The following TBX15 variants were observed in gnomAD, a reference collection of about 807,000 sequenced individuals.
TBX15 encodes the protein T-box transcription factor 15, also known as T-box transcription factor TBX15.
TBX15 carries 18 observed loss-of-function variants against 53.9 expected under a neutral mutation model. The observed-to-expected ratio is 0.33, with a 90% confidence interval of 0.23 to 0.49. TBX15 has a LOEUF of 0.49. Among genes scored for constraint, TBX15 ranks in the 20% least tolerant of loss-of-function variants. The probability of loss-of-function intolerance (pLI) is 0.98; values close to 1 mark genes in which losing one functional copy is unlikely to be tolerated. For missense variants in TBX15, 692 were observed against 749.5 expected (o/e 0.92, Z 0.90); for synonymous variants, 295 against 278.0 (o/e 1.06, Z -0.61).
chr1:118,958,062 TAAAG>T (rs1656751917), intron 1 of TBX15, among the ~76,000 whole-genome samples: 1 of 152,234 alleles, frequency 6.6e-6, no homozygotes, highest in African/African-American at 2.4e-5. Context: ...TTTAATAAAA[TAAAG>T]ATAGTGCTAT....
At chr1:118,981,870 A>T (rs770624509) in intron 1 of TBX15, among the ~76,000 whole-genome samples, 7 of 152,250 alleles carry the variant, frequency 4.6e-5, no homozygotes, top group Non-Finnish European at 7.3e-5. Context: ...AGTCATGCAC[A>T]TATAAAATTC....
rs1265160466 is a variant in TBX15 at position 118,885,300 on chromosome 1, G to C, written c.1241C>G (p.Pro414Arg). The change falls in exon 8 of 8, where the codon CCA (proline) becomes CGA (arginine). Residue 414 changes from proline (P) to arginine (R), a missense_variant. By Grantham distance (103) the Pro-to-Arg change is moderately radical. This residue lies in a region of TBX15 where 375 missense variants were observed against 371.6 expected (regional missense o/e 1.01). Coordinates refer to ENST00000369429, the MANE Select transcript of TBX15 (RefSeq NM_001330677.2). ...RSNMAALQSY[P>R]GLSDSGYNRL... is the part of the protein sequence containing the mutation. ...GTTGTAGCCACTGTCACTCAGCCCT[G>C]GGTAGCTCTGCAAGGCAGCCATGTT... 3 of 1,614,094 alleles carry C rather than the reference G, an allele frequency of 1.9e-6. No individual in the cohort carries two copies. Among genetic ancestry groups the C allele is most frequent in the Non-Finnish European group, 2.5e-6 (3 of 1,180,014 alleles).
chr1:118,931,605 G>C lies in TBX15; in HGVS notation c.419+14C>G. 1 of 1,613,780 alleles carries C rather than the reference G, an allele frequency of 6.2e-7. No individual in the cohort carries two copies. The highest frequency in any genetic ancestry group is 8.5e-7 in the Non-Finnish European group (1 of 1,179,844). On this transcript the variant is annotated intron_variant, in intron 2 of 7. Coordinates refer to ENST00000369429, the MANE Select transcript of TBX15 (RefSeq NM_001330677.2). ...ATTCTTTGAATCTGGCCACTCAAAG[G>C]AATTTGTCCTTACCTGCCTGCTTTG...
intron 5 of TBX15, among the ~76,000 whole-genome samples, chr1:118,916,194 G>T (rs567380995): frequency 1.1e-4 from 16 of 152,220 alleles, no homozygotes; most frequent in Non-Finnish European, 1.8e-4. Flanking sequence ...AAGCAGATGT[G>T]CACTAACAAT....
chr1:118,904,845 G>A (rs1654758265), intron 6 of TBX15, among the ~76,000 whole-genome samples: 1 of 152,098 alleles, frequency 6.6e-6, no homozygotes, highest in Non-Finnish European at 1.5e-5. Flanking sequence ...ACAGGCTCTG[G>A]GGCTAGATTA....
At chr1:118,907,222 T>C (rs1455736578) in intron 6 of TBX15, among the ~76,000 whole-genome samples, 1 of 152,132 alleles carries the variant, frequency 6.6e-6, no homozygotes. Context: ...CCTGCAGCTG[T>C]ACTAGATGCA....
intron 1 of TBX15, among the ~76,000 whole-genome samples, chr1:118,973,687 C>A (rs965519146): frequency 2.0e-5 from 3 of 152,174 alleles, no homozygotes; most frequent in South Asian, 2.1e-4. Flanking sequence ...CATCCGGAAC[C>A]AATTCACCCA....
At position 118,884,621 on chromosome 1, in the gene TBX15, A is replaced by G. The variant is rs1003794722; in HGVS notation, c.*111T>C. 2 of 1,370,550 alleles carry G rather than the reference A, an allele frequency of 1.5e-6. No homozygotes were observed. The highest frequency in any genetic ancestry group is 4.7e-5 in the Admixed American group (2 of 42,324). The allele number at this position is 1,370,550 out of a possible 1,614,324, so 84.9% of individuals were successfully genotyped here. The stretch of plus-strand genomic sequence containing the variant: ...CTTCGGCCAGAAAAAAAAAAAAAAA[A>G]AAAACACGGTTCCTGTTTTTCAAAG... On this transcript the variant is annotated 3_prime_UTR_variant, in exon 8 of 8. Transcript: ENST00000369429.
chr1:118,884,788 G>A lies in TBX15; in HGVS notation c.1753C>T (p.Arg585Trp), dbSNP rs563818141. Reference protein sequence around the residue: ...NQQATNTCDGRQYGAVPGSSS... With the variant: ...NQQATNTCDGWQYGAVPGSSS... ...GAGCCTGGAACTGCCCCATACTGCC[G>A]GCCATCACAAGTGTTGGTTGCCTGT... Residue 585 changes from arginine (R) to tryptophan (W), a missense_variant, in exon 8 of 8, where the codon CGG becomes TGG. By Grantham distance (101) the Arg-to-Trp change is moderately radical. Coordinates refer to ENST00000369429, the MANE Select transcript of TBX15 (RefSeq NM_001330677.2). The A allele has an allele frequency of 1.9e-6, 3 of 1,613,932 alleles. No homozygotes were observed. Among genetic ancestry groups the A allele is most frequent in the South Asian group, 1.1e-5 (1 of 91,082 alleles).
At chr1:118,922,732 G>A (rs1049387588) in intron 5 of TBX15, among the ~76,000 whole-genome samples, 3 of 152,174 alleles carry the variant, frequency 2.0e-5, no homozygotes, top group Admixed American at 6.5e-5. Context: ...ATGTGAAGAG[G>A]CTGTCAGAAA....
chr1:118,979,861 A>G (rs1319216785), intron 1 of TBX15, among the ~76,000 whole-genome samples: 1 of 152,100 alleles, frequency 6.6e-6, no homozygotes, highest in Non-Finnish European at 1.5e-5. Context: ...CGGTGGGGCC[A>G]GCGCGGAGCC....
intron 1 of TBX15, among the ~76,000 whole-genome samples, chr1:118,971,724 A>G (rs1657241119): frequency 1.3e-5 from 2 of 152,238 alleles, no homozygotes; most frequent in South Asian, 4.1e-4. Flanking sequence ...ATATGTTTAC[A>G]TGTGCACAAA....
chr1:118,925,929 A>T (rs1655581974), intron 3 of TBX15, among the ~76,000 whole-genome samples: 1 of 152,100 alleles, frequency 6.6e-6, no homozygotes, highest in African/African-American at 2.4e-5. Context: ...TCTGGCAAGA[A>T]CTATGTATAA....
chr1:118,960,889 C>T (rs530964023), intron 1 of TBX15, among the ~76,000 whole-genome samples: 62 of 152,248 alleles, frequency 4.1e-4, no homozygotes, highest in Non-Finnish European at 5.0e-4. Flanking sequence ...CTGGACTTGG[C>T]CCAACCCATC....
intron 7 of TBX15, among the ~76,000 whole-genome samples, chr1:118,888,950 A>C (rs1654043367): frequency 6.6e-6 from 1 of 152,158 alleles, no homozygotes; most frequent in African/African-American, 2.4e-5. Flanking sequence ...ACTATTAACA[A>C]GTTACAGGGA....
intron 1 of TBX15, among the ~76,000 whole-genome samples, chr1:118,953,622 G>A (rs1656588253): frequency 6.6e-6 from 1 of 152,208 alleles, no homozygotes; most frequent in African/African-American, 2.4e-5. Context: ...TATGTTTGAT[G>A]TTACACATAT....
At chr1:118,937,790 G>C (rs1472570944) in intron 1 of TBX15, among the ~76,000 whole-genome samples, 1 of 152,194 alleles carries the variant, frequency 6.6e-6, no homozygotes, top group East Asian at 1.9e-4. Flanking sequence ...ACATTGAATG[G>C]TGTTTCCTAT....
chr1:118,936,857 A>T (rs539188795), intron 1 of TBX15, among the ~76,000 whole-genome samples: 86 of 152,282 alleles, frequency 5.6e-4, no homozygotes, highest in African/African-American at 2.0e-3. Flanking sequence ...GACTACATTT[A>T]ATTCAATTTT....
Position 118,987,959 on chromosome 1 carries a change from T to A in TBX15, c.-164A>T. 1 of 793,432 alleles carries A rather than the reference T, an allele frequency of 1.3e-6. No individual in the cohort carries two copies. Among genetic ancestry groups the A allele is most frequent in the Non-Finnish European group, 2.0e-6 (1 of 511,520 alleles). 49.1% of individuals were successfully genotyped at this position (793,432 alleles called of 1,614,324 possible). A position where few individuals can be genotyped will look rare whatever the true frequency, so the allele number is the denominator to read the frequency against. Reference sequence around the variant, plus strand: ...GTCTCTCCACCCTCCCCCTGCGTCCTCCTCCGCCCTCCTCTGCCGGATCCG... The same window carrying A: ...GTCTCTCCACCCTCCCCCTGCGTCCACCTCCGCCCTCCTCTGCCGGATCCG... On this transcript the variant is annotated 5_prime_UTR_variant, in exon 1 of 8. Coordinates refer to ENST00000369429, the MANE Select transcript of TBX15 (RefSeq NM_001330677.2).
Sources: gnomAD v4.1 joint callset for allele counts (sites outside exome capture counted in the v4.1 genomes callset) on GRCh38, gnomAD v4.1.1 for gene constraint, gnomAD v4.1.1 regional missense constraint, MANE v1.5 for transcripts, NCBI Gene and HGNC (gene_info 2026-07-23, HGNC 2026-07-21) for gene names.